Variants in SEC14L1 observed in about 807,000 individuals in gnomAD.
The protein encoded by SEC14L1 is SEC14 like lipid binding 1, also known as SEC14-like protein 1.
A neutral mutation model predicts 85.3 loss-of-function variants in SEC14L1; 48 were observed. The ratio of observed to expected loss-of-function variants is 0.56; its 90% CI spans 0.45 to 0.72. The LOEUF is 0.72. Ranked by LOEUF, SEC14L1 falls within the 30% of genes least tolerant of loss-of-function variation. The pLI is 0.00. For synonymous variants in SEC14L1, 391 were observed against 355.5 expected, an observed-to-expected ratio of 1.10 and a Z score of -1.12; for missense variants, 682 against 921.4, an observed-to-expected ratio of 0.74 and a Z score of 3.36.
chr17:77,134,312 C>T (rs1436709305), intron 3 of SEC14L1, among the ~76,000 whole-genome samples: 1 of 150,844 alleles, frequency 6.6e-6, no homozygotes, highest in Non-Finnish European at 1.5e-5. Flanking sequence ...TGCAGTGCTG[C>T]AATCATGGCT....
rs550305381 is a variant in SEC14L1, at chr17:77,175,573, G to A, written c.64-15230G>A. On this transcript the variant is annotated intron_variant, in intron 3 of 16. Coordinates refer to ENST00000436233, the MANE Select transcript of SEC14L1 (RefSeq NM_001143998.2). ...GTGGTGCCCGGGCAGCTGTAGTTCC[G>A]GCCTACTCAGGCTTTTCATGACCTT... 6.6e-5 allele frequency among the ~76,000 whole-genome samples: 10 copies of A among 152,222 alleles called. No homozygotes were observed. In the East Asian group the frequency reaches 1.5e-3, roughly 23 times the overall value.
intron 3 of SEC14L1, among the ~76,000 whole-genome samples, chr17:77,165,044 C>T (rs968546097): frequency 2.6e-5 from 4 of 152,192 alleles, no homozygotes; most frequent in Admixed American, 6.5e-5. Context: ...CCGGAAACCT[C>T]TGCAGAGAAC....
intron 3 of SEC14L1, among the ~76,000 whole-genome samples, chr17:77,163,818 A>G (rs556572622): frequency 1.8e-4 from 27 of 152,248 alleles, no homozygotes; most frequent in Admixed American, 3.3e-4. Context: ...GTCTTTCTCT[A>G]TGCCCCAAGT....
chr17:77,176,175 A>G (rs368831441), intron 3 of SEC14L1, among the ~76,000 whole-genome samples: 2 of 152,184 alleles, frequency 1.3e-5, no homozygotes, highest in East Asian at 1.9e-4. Flanking sequence ...CTGTAATCCC[A>G]GCTACTCAGG....
Position 77,188,027 on chromosome 17 carries a change from A to G in SEC14L1, c.64-2776A>G, listed in dbSNP as rs565756162. On this transcript the variant is annotated intron_variant, in intron 3 of 16. Transcript: ENST00000436233. ...CTGGATCGCTTAGGTTTTAATATGA[A>G]TTCTGCAACATCTTTAGTTTGGTAA... 3.3e-5 allele frequency among the ~76,000 whole-genome samples: 5 copies of G among 152,268 alleles called. No homozygotes were observed. In the South Asian group the frequency reaches 1.0e-3, roughly 32 times the overall value.
At chr17:77,172,781 T>A (rs1005489725) in intron 3 of SEC14L1, among the ~76,000 whole-genome samples, 19 of 152,282 alleles carry the variant, frequency 1.2e-4, no homozygotes, top group African/African-American at 4.1e-4. Context: ...CTTCCCTTGT[T>A]GTATATAGAA....
At chr17:77,188,433 G>A (rs537508456) in intron 3 of SEC14L1, among the ~76,000 whole-genome samples, 1 of 148,418 alleles carries the variant, frequency 6.7e-6, no homozygotes, top group African/African-American at 2.5e-5. Context: ...TTTTAGCTTA[G>A]CATAATTCTC....
intron 3 of SEC14L1, among the ~76,000 whole-genome samples, chr17:77,169,109 G>A (rs767456536): frequency 3.5e-5 from 5 of 142,480 alleles, no homozygotes; most frequent in African/African-American, 1.0e-4. Context: ...CTCACGTGCC[G>A]CTCCAGTTTC....
At chr17:77,124,298 C>T (rs980348071) in intron 3 of SEC14L1, among the ~76,000 whole-genome samples, 2 of 152,124 alleles carry the variant, frequency 1.3e-5, no homozygotes, top group African/African-American at 2.4e-5. Flanking sequence ...CAGGAGGTCG[C>T]GTCTGCAGTG....
At chr17:77,155,775 GC>G (rs1249261690) in intron 3 of SEC14L1, among the ~76,000 whole-genome samples, 4 of 152,082 alleles carry the variant, frequency 2.6e-5, no homozygotes, top group African/African-American at 9.7e-5. Context: ...TCGCTCTGTT[GC>G]CCAGGCTAGA....
intron 3 of SEC14L1, among the ~76,000 whole-genome samples, chr17:77,122,482 T>C (rs936466490): frequency 3.5e-4 from 54 of 152,140 alleles, no homozygotes; most frequent in Non-Finnish European, 5.4e-4. Context: ...TTTTATTTTT[T>C]GTAAAAACAG....
chr17:77,094,421 G>C (rs1305291052), intron 3 of SEC14L1: 2 of 152,150 alleles, frequency 1.3e-5, no homozygotes, highest in Non-Finnish European at 2.9e-5. Context: ...CCTGCTCCCA[G>C]GGCAGGAGAG....
At chr17:77,180,036 A>ATGTTT (rs201838913) in intron 3 of SEC14L1, among the ~76,000 whole-genome samples, 6 of 127,254 alleles carry the variant, frequency 4.7e-5, no homozygotes, top group South Asian at 2.9e-4. Flanking sequence ...TTTTGATGTT[A>ATGTTT]TGTTTTGTTT....
intron 3 of SEC14L1, among the ~76,000 whole-genome samples, chr17:77,119,571 A>G (rs535148787): frequency 6.6e-6 from 1 of 152,322 alleles, no homozygotes; most frequent in Non-Finnish European, 1.5e-5. Context: ...GATGAGAAGC[A>G]GTATTTATTT....
chr17:77,216,373 AGG>A lies in SEC14L1; in HGVS notation c.*2351_*2352del. The A allele has an allele frequency of 7.2e-7, 1 of 1,390,046 alleles. No homozygotes were observed. Among genetic ancestry groups the A allele is most frequent in the Non-Finnish European group, 9.5e-7 (1 of 1,057,168 alleles). 86.1% of individuals were successfully genotyped at this position (1,390,046 alleles called of 1,614,324 possible). A position where few individuals can be genotyped will look rare whatever the true frequency, so the allele number is the denominator to read the frequency against. On this transcript the variant is annotated 3_prime_UTR_variant, in exon 17 of 17. Coordinates refer to ENST00000436233, the MANE Select transcript of SEC14L1 (RefSeq NM_001143998.2). ...GGTAGGGCTAGTAGGTAGGGCTAGT[AGG>A]TAGGGCTAGTAGGTAGGGCTAGTAG...
chr17:77,182,502 G>A (rs529186846), intron 3 of SEC14L1, among the ~76,000 whole-genome samples: 19 of 152,282 alleles, frequency 1.2e-4, no homozygotes, highest in African/African-American at 4.6e-4. Flanking sequence ...AACAATTGCT[G>A]TGTAAAAATG....
intron 6 of SEC14L1, 30 bp downstream of exon 6, chr17:77,193,579 G>T: frequency 1.9e-6 from 3 of 1,595,188 alleles, no homozygotes; most frequent in Non-Finnish European, 2.6e-6. Context: ...TTGTGGCAGA[G>T]GGTGGGCAGG....
In SEC14L1 at chr17:77,152,849, A is replaced by T. The variant is rs529138989; in HGVS notation, c.63+9190A>T. ...CAAATAAAGCCATTTGTATTTGGTT[A>T]TTATGTTTCTTGGGTCTCCTTTATT... On this transcript the variant is annotated intron_variant, in intron 3 of 16. Transcript: ENST00000436233. Among the ~76,000 whole-genome samples the T allele has an allele frequency of 2.6e-5, 4 of 152,228 alleles. No homozygotes were observed. In the East Asian group the frequency reaches 7.7e-4, roughly 29 times the overall value.
chr17:77,180,460 C>T, intron 3 of SEC14L1, among the ~76,000 whole-genome samples: 1 of 152,056 alleles, frequency 6.6e-6, no homozygotes, highest in Non-Finnish European at 1.5e-5. Context: ...GCTCTTTCAC[C>T]CCGTTGGGAG....
Sources: gnomAD v4.1 joint callset for allele counts (sites outside exome capture counted in the v4.1 genomes callset) on GRCh38, gnomAD v4.1.1 for gene constraint, MANE v1.5 for transcripts, NCBI Gene and HGNC (gene_info 2026-07-23, HGNC 2026-07-21) for gene names.